HPSE2: variants seen among roughly 807,000 people sequenced by gnomAD.
HPSE2 encodes inactive heparanase-2.
HPSE2 carries 38 observed loss-of-function variants against 60.5 expected under a neutral mutation model. The observed-to-expected ratio is 0.63, with a 90% CI of 0.48 to 0.82. The LOEUF is 0.82. Among genes scored for constraint, HPSE2 ranks in the 40% least tolerant of loss-of-function variants. The pLI, the probability that HPSE2 is intolerant of heterozygous loss-of-function variation, is 0.00. For missense variants in HPSE2, 713 were observed against 740.4 expected (o/e 0.96, Z 0.43); for synonymous variants, 295 against 293.2 (o/e 1.01, Z -0.06).
At position 98,660,825 on chromosome 10, in the gene HPSE2, C is replaced by T. The variant is rs986000883; in HGVS notation, c.1005-18885G>A. On this transcript the variant is annotated intron_variant, in intron 6 of 11. Coordinates refer to ENST00000370552, the MANE Select transcript of HPSE2 (RefSeq NM_021828.5). ...GCAATTTTCTCTTCACAATGAATCC[C>T]TGTCTTTCATCTATATGGAACCCAC... is the stretch of plus-strand genomic sequence containing the variant. Among the ~76,000 whole-genome samples the T allele has an allele frequency of 6.6e-5, 10 of 152,332 alleles. No individual in the cohort carries two copies. The East Asian group carries it at 1.7e-3, about 26-fold the overall frequency.
intron 2 of HPSE2, among the ~76,000 whole-genome samples, chr10:99,220,895 G>C (rs944703659): frequency 8.1e-5 from 10 of 123,466 alleles, no homozygotes; most frequent in African/African-American, 3.1e-4. Context: ...CACTCTTGTT[G>C]CCCAGGCTGG....
At chr10:98,687,012 T>C (rs369143113) in intron 6 of HPSE2, among the ~76,000 whole-genome samples, 19 of 152,328 alleles carry the variant, frequency 1.2e-4, no homozygotes, top group African/African-American at 4.6e-4. Flanking sequence ...GAAGTGTTTC[T>C]AAATTTCCAA....
chr10:98,794,111 C>T (rs953836751), intron 3 of HPSE2, among the ~76,000 whole-genome samples: 7 of 152,070 alleles, frequency 4.6e-5, no homozygotes, highest in African/African-American at 1.7e-4. Flanking sequence ...AACCATAGTA[C>T]AGTTATTGAA....
At chr10:98,595,848 T>C (rs948995600) in intron 9 of HPSE2, among the ~76,000 whole-genome samples, 1 of 152,204 alleles carries the variant, frequency 6.6e-6, no homozygotes, top group Non-Finnish European at 1.5e-5. Flanking sequence ...TTGTCATATA[T>C]GGACTCTATT....
intron 5 of HPSE2, among the ~76,000 whole-genome samples, chr10:98,705,996 C>T (rs959236792): frequency 6.6e-6 from 1 of 152,166 alleles, no homozygotes; most frequent in African/African-American, 2.4e-5. Context: ...GAAAACAATA[C>T]TGACATTAAT....
rs11189687 is a variant in HPSE2 at position 98,582,684 on chromosome 10, A to G, written c.1320+32220T>C. 9.4e-3 allele frequency among the ~76,000 whole-genome samples: 1,425 copies of G among 152,316 alleles called. 7 individuals carry two copies. The highest frequency in any genetic ancestry group is 0.016 in the Non-Finnish European group (1,059 of 68,034). Reference sequence around the variant, plus strand: ...GTCAGTTAACGTATTCTTTTATGGCATAACTGTCTCTATGGAGTATTTACA... The same window carrying G: ...GTCAGTTAACGTATTCTTTTATGGCGTAACTGTCTCTATGGAGTATTTACA... On this transcript the variant is annotated intron_variant, in intron 9 of 11. Transcript: ENST00000370552.
intron 3 of HPSE2, among the ~76,000 whole-genome samples, chr10:98,919,361 T>C (rs1954216885): frequency 6.6e-6 from 1 of 152,200 alleles, no homozygotes. Flanking sequence ...TATGCCATGC[T>C]ACGGAGCTTG....
intron 11 of HPSE2, among the ~76,000 whole-genome samples, chr10:98,468,607 T>C (rs1940653268): frequency 6.6e-6 from 1 of 152,028 alleles, no homozygotes; most frequent in African/African-American, 2.4e-5. Flanking sequence ...TCTGTGTGCT[T>C]GGGTCATTTT....
Position 98,956,813 on chromosome 10 carries a change from G to GCCTCTCTGAGGACT in HPSE2, c.610+187424_610+187425insAGTCCTCAGAGAGG. 2.6e-5 allele frequency among the ~76,000 whole-genome samples: 4 copies of GCCTCTCTGAGGACT among 152,256 alleles called. No homozygotes were observed. The East Asian group carries it at 5.8e-4, about 22-fold the overall frequency. The stretch of plus-strand genomic sequence containing the variant: ...CAATGTGCCTAACAAAGAAAGGAAG[G>GCCTCTCTGAGGACT]CCTCTCTGAGGAGTCATATGACCTG... On this transcript the variant is annotated intron_variant, in intron 3 of 11. Transcript: ENST00000370552.
chr10:98,558,234 T>G (rs190394416), intron 9 of HPSE2, among the ~76,000 whole-genome samples: 13 of 152,262 alleles, frequency 8.5e-5, no homozygotes, highest in Middle Eastern at 3.4e-3. Context: ...AATGTAAACA[T>G]GTTCTATGAT....
intron 7 of HPSE2, among the ~76,000 whole-genome samples, chr10:98,634,963 A>G (rs1946458958): frequency 6.6e-6 from 1 of 152,112 alleles, no homozygotes; most frequent in Non-Finnish European, 1.5e-5. Flanking sequence ...TCCCTCACAA[A>G]CTAAGGTGGG....
At chr10:98,466,488 G>T (rs1433257933) in intron 11 of HPSE2, among the ~76,000 whole-genome samples, 2 of 151,942 alleles carry the variant, frequency 1.3e-5, no homozygotes, top group African/African-American at 4.8e-5. Context: ...GTAGGTGCCT[G>T]TAATCCCAGC....
At chr10:98,816,033 G>C (rs142696883) in intron 3 of HPSE2, among the ~76,000 whole-genome samples, 1 of 136,282 alleles carries the variant, frequency 7.3e-6, no homozygotes, top group African/African-American at 2.7e-5. Context: ...GTTGTGGGGT[G>C]GGGGGGAGGG....
At chr10:98,855,474 CTTAACT>C (rs1342364992) in intron 3 of HPSE2, among the ~76,000 whole-genome samples, 4 of 152,046 alleles carry the variant, frequency 2.6e-5, no homozygotes, top group Admixed American at 6.5e-5. Context: ...TTTGTCCTCT[CTTAACT>C]TTAAGGTACA....
chr10:98,823,371 C>T lies in HPSE2; in HGVS notation c.611-79315G>A, dbSNP rs867015673. On this transcript the variant is annotated intron_variant, in intron 3 of 11. Transcript: ENST00000370552. ...CAGTGGCTCACATCTGTAATCCCAGCGCTTTGAGAGGCCAAGGCAGGAGGA... is the reference window on the plus strand; with the variant it reads ...CAGTGGCTCACATCTGTAATCCCAGTGCTTTGAGAGGCCAAGGCAGGAGGA... Among the ~76,000 whole-genome samples the T allele has an allele frequency of 3.9e-5, 6 of 152,282 alleles. 1 individual carries two copies. In the South Asian group the frequency reaches 6.2e-4, roughly 16 times the overall value.
At position 99,132,678 on chromosome 10, in the gene HPSE2, G is replaced by C. The variant is rs547041962; in HGVS notation, c.610+11560C>G. The stretch of plus-strand genomic sequence containing the variant: ...CTCCCCCACCCAAGGGAAGCTGTGA[G>C]GGACTGAGCCTGAGGAACTCAGGCA... On this transcript the variant is annotated intron_variant, in intron 3 of 11. Transcript: ENST00000370552. Among the ~76,000 whole-genome samples the C allele has an allele frequency of 3.3e-5, 5 of 152,244 alleles. No homozygotes were observed. In the South Asian group the frequency reaches 1.0e-3, roughly 32 times the overall value.
intron 3 of HPSE2, among the ~76,000 whole-genome samples, chr10:98,827,695 A>G (rs1253976758): frequency 5.1e-4 from 77 of 152,346 alleles, no homozygotes; most frequent in Non-Finnish European, 1.2e-4. Context: ...GATGAATTAC[A>G]TATTTTGTCA....
chr10:98,884,220 A>G (rs564045689), intron 3 of HPSE2, among the ~76,000 whole-genome samples: 1 of 152,172 alleles, frequency 6.6e-6, no homozygotes, highest in Non-Finnish European at 1.5e-5. Flanking sequence ...AAGTTGGTTC[A>G]TGAGGTTTAA....
At chr10:99,132,678 G>A (rs547041962) in intron 3 of HPSE2, among the ~76,000 whole-genome samples, 27 of 152,126 alleles carry the variant, frequency 1.8e-4, no homozygotes, top group African/African-American at 6.5e-4. Context: ...GAAGCTGTGA[G>A]GGACTGAGCC....
Sources: allele counts gnomAD v4.1 joint callset (sites outside exome capture counted in the v4.1 genomes callset), GRCh38; gene constraint gnomAD v4.1.1; transcripts MANE v1.5; gene names NCBI Gene and HGNC (gene_info 2026-07-23, HGNC 2026-07-21).